Variants in CCDC158 observed in about 807,000 individuals in gnomAD.
The protein encoded by CCDC158 is coiled-coil domain-containing protein 158.
In CCDC158, 116 loss-of-function variants were observed where a neutral mutation model predicts 138.6. The ratio of observed to expected loss-of-function variants is 0.84; its 90% CI spans 0.72 to 0.98. The LOEUF is 0.98. Among genes scored for constraint, CCDC158 ranks in the 50% least tolerant of loss-of-function variants. CCDC158 has a pLI of 0.00. For synonymous variants in CCDC158, 436 were observed against 442.4 expected (o/e 0.99, Z 0.18); for missense variants, 1,265 against 1,306.1 (o/e 0.97, Z 0.48).
chr4:76,369,806 A>C (rs1239167503), intron 10 of CCDC158, among the ~76,000 whole-genome samples, 183 bp from the exon 11 acceptor site: 1 of 152,232 alleles, frequency 6.6e-6, no homozygotes, highest in African/African-American at 2.4e-5. Flanking sequence ...CATTTTGCTT[A>C]AAATTTCTAG....
chr4:76,332,301 G>T, intron 20 of CCDC158, 131 bp downstream of exon 20: 1 of 659,696 alleles, frequency 1.5e-6, no homozygotes. Flanking sequence ...CTTAAAGTCA[G>T]TTAAACAACG....
chr4:76,325,779 A>G, intron 23 of CCDC158, 78 bp downstream of exon 23: 1 of 1,311,556 alleles, frequency 7.6e-7, no homozygotes, highest in East Asian at 2.3e-5. Context: ...CAAAACCTTA[A>G]TTCTGAGTAA....
In CCDC158 at chr4:76,384,159, C is replaced by A. The variant is rs370583432; in HGVS notation, c.655G>T (p.Gly219Cys). 4 of 1,613,926 alleles carry A rather than the reference C, an allele frequency of 2.5e-6. No individual in the cohort carries two copies. Among genetic ancestry groups the A allele is most frequent in the Non-Finnish European group, 3.4e-6 (4 of 1,179,992 alleles). ...CTTAGTATTTTACTAATAGCTGAGCCCAAGCTGCGGAAGTGCAGAGTAGAC... is the reference window on the plus strand; with the variant it reads ...CTTAGTATTTTACTAATAGCTGAGCACAAGCTGCGGAAGTGCAGAGTAGAC... ...SMSTLHFRSL[G>C]SAISKILREL... Residue 219 changes from glycine (G) to cysteine (C), a missense_variant, in exon 6 of 25, where the codon GGC (glycine) becomes TGC (cysteine). Coordinates refer to ENST00000682701, the MANE Select transcript of CCDC158 (RefSeq NM_001394954.1).
chr4:76,323,432 TG>T, intron 23 of CCDC158, 23 bp from the exon 24 acceptor site: 1 of 1,542,876 alleles, frequency 6.5e-7, no homozygotes, highest in Non-Finnish European at 8.9e-7. Flanking sequence ...TGCTTAGATG[TG>T]ATATTAAAAG....
In CCDC158 at chr4:76,328,134, C is replaced by T. The variant is rs540899947; in HGVS notation, c.3010+766G>A. The stretch of plus-strand genomic sequence containing the variant: ...TCAACAAATTGTGTTGACTTTCAAT[C>T]TCTTCTTTCTGGAGCTTTTTAATTT... On this transcript the variant is annotated intron_variant, in intron 22 of 24. Transcript: ENST00000682701. 3.9e-4 allele frequency among the ~76,000 whole-genome samples: 60 copies of T among 152,266 alleles called. 1 individual carries two copies. In the South Asian group the frequency reaches 0.012, roughly 29 times the overall value.
chr4:76,367,277 A>C lies in CCDC158; in HGVS notation c.1830+17T>G, dbSNP rs757589701. The C allele has an allele frequency of 6.1e-5, 98 of 1,594,384 alleles. No homozygotes were observed. Among genetic ancestry groups the C allele is most frequent in the Non-Finnish European group, 7.3e-5 (85 of 1,169,906 alleles). On this transcript the variant is annotated intron_variant, in intron 12 of 24. Transcript: ENST00000682701. ...AATGATATTTCAGAAGTTAAATCAC[A>C]AAAAAACTCTACAGACCTTAAGTTC...
chr4:76,380,780 A>T (rs28810488), intron 8 of CCDC158, among the ~76,000 whole-genome samples: 4,481 of 152,264 alleles, frequency 0.029, 222 homozygotes, highest in African/African-American at 0.1. Flanking sequence ...GCCCCTTCCA[A>T]CACAGGCCTT....
At chr4:76,350,513 AT>A (rs1030716249) in intron 18 of CCDC158, among the ~76,000 whole-genome samples, 17 of 152,016 alleles carry the variant, frequency 1.1e-4, no homozygotes, top group African/African-American at 2.7e-4. Context: ...CATTGCACAT[AT>A]TTTTTTTCTG....
In CCDC158 at chr4:76,396,332, G is replaced by A. The variant is rs770517475; in HGVS notation, c.225C>T (p.His75=). Residue 75 remains histidine, a synonymous_variant, in exon 4 of 25, where the codon CAC becomes CAT. Coordinates refer to ENST00000682701, the MANE Select transcript of CCDC158 (RefSeq NM_001394954.1). ...AATATTCTTCCAAAACACGTTCAAA[G>A]TGTTCCTTTCCAGGAGATGGGATGA... ...RKIIPSPGKE[H]FERVLEEYSH... 1.2e-5 allele frequency: 20 copies of A among 1,613,960 alleles called. No homozygotes were observed. In the South Asian group the frequency reaches 2.1e-4, roughly 17 times the overall value.
At chr4:76,382,464 C>T in intron 8 of CCDC158, 146 bp downstream of exon 8, 2 of 606,042 alleles carry the variant, frequency 3.3e-6, no homozygotes, top group South Asian at 4.4e-5. Context: ...TTACATAATA[C>T]TTCCTGTTCA....
chr4:76,396,514 C>T (rs1332978172), intron 3 of CCDC158, 28 bp from the exon 4 acceptor site: 1 of 1,556,524 alleles, frequency 6.4e-7, no homozygotes, highest in East Asian at 2.3e-5. Context: ...CATTAATTAA[C>T]TTTTCGTTTT....
chr4:76,344,766 A>G, intron 18 of CCDC158: 2 of 1,611,996 alleles, frequency 1.2e-6, no homozygotes, highest in South Asian at 1.1e-5. Context: ...TGGGCTTATT[A>G]TTCCACCTGC....
intron 2 of CCDC158, among the ~76,000 whole-genome samples, chr4:76,404,112 A>G (rs1728627709): frequency 6.6e-6 from 1 of 152,122 alleles, no homozygotes; most frequent in Admixed American, 6.6e-5. Context: ...GGTCTCCCCT[A>G]GGGACATGGC....
chr4:76,331,499 T>C, intron 20 of CCDC158, 96 bp from the exon 21 acceptor site: 1 of 954,826 alleles, frequency 1.0e-6, no homozygotes. Flanking sequence ...TATTCTTATG[T>C]AGGGTGAAAT....
chr4:76,354,900 T>C (rs1723398110), intron 15 of CCDC158, among the ~76,000 whole-genome samples: 1 of 152,246 alleles, frequency 6.6e-6, no homozygotes, highest in African/African-American at 2.4e-5. Flanking sequence ...TTAGTATGTG[T>C]AAAACTGCTA....
intron 13 of CCDC158, among the ~76,000 whole-genome samples, chr4:76,358,365 G>A (rs28367066): frequency 0.026 from 4,031 of 152,128 alleles, 174 homozygotes; most frequent in African/African-American, 0.092. Context: ...TATCTGGGAC[G>A]ACTGCAAAAA....
chr4:76,414,775 T>C (rs1167414120), intron 1 of CCDC158, among the ~76,000 whole-genome samples: 1 of 152,212 alleles, frequency 6.6e-6, no homozygotes, highest in Admixed American at 6.5e-5. Flanking sequence ...GCCTTTTGCC[T>C]CCTTCATGAT....
chr4:76,342,453 T>C (rs182441988), intron 18 of CCDC158, among the ~76,000 whole-genome samples: 87 of 152,290 alleles, frequency 5.7e-4, no homozygotes, highest in Admixed American at 3.9e-3. Flanking sequence ...TGTTAAGTAG[T>C]TGTGGGAAAT....
At chr4:76,401,887 G>A (rs895638104) in intron 3 of CCDC158, among the ~76,000 whole-genome samples, 4 of 152,156 alleles carry the variant, frequency 2.6e-5, no homozygotes, top group African/African-American at 9.7e-5. Context: ...AAGTGAGCAA[G>A]TGGAGGTGGG....
Sources: allele counts gnomAD v4.1 joint callset (sites outside exome capture counted in the v4.1 genomes callset), GRCh38; gene constraint gnomAD v4.1.1; transcripts MANE v1.5; gene names NCBI Gene and HGNC (gene_info 2026-07-23, HGNC 2026-07-21).